PCDHA9: variants seen among roughly 807,000 people sequenced by gnomAD.
The protein encoded by PCDHA9 is protocadherin alpha-9.
In PCDHA9, 62 loss-of-function variants were observed where a neutral mutation model predicts 62.0. The ratio of observed to expected loss-of-function variants is 1.00; its 90% CI spans 0.81 to 1.23. The LOEUF is 1.23. Among genes scored for constraint, PCDHA9 ranks in the 50% most tolerant of loss-of-function variants. The pLI is 0.00. For missense variants in PCDHA9, 1,205 were observed against 1,249.8 expected (o/e 0.96, Z 0.54); for synonymous variants, 557 against 567.6 (o/e 0.98, Z 0.27).
At chr5:140,883,940 G>A in intron 1 of PCDHA9, 1 of 1,613,412 alleles carries the variant, frequency 6.2e-7, no homozygotes, top group Non-Finnish European at 8.5e-7. Flanking sequence ...CGTGCTGGAC[G>A]AGAACGACAA....
chr5:140,888,088 C>G (rs941828532), intron 1 of PCDHA9, among the ~76,000 whole-genome samples: 3 of 151,906 alleles, frequency 2.0e-5, no homozygotes, highest in African/African-American at 4.8e-5. Flanking sequence ...ACATTTTTGT[C>G]CTTAGTTTGC....
chr5:140,884,168 A>G (rs1562800814), intron 1 of PCDHA9: 1 of 1,613,300 alleles, frequency 6.2e-7, no homozygotes, highest in South Asian at 1.1e-5. Context: ...GATCAGCACG[A>G]CGCGCCCTCT....
At chr5:140,950,082 A>G (rs2094448240) in intron 1 of PCDHA9, among the ~76,000 whole-genome samples, 1 of 151,916 alleles carries the variant, frequency 6.6e-6, no homozygotes, top group South Asian at 2.1e-4. Flanking sequence ...TGCTTATGCT[A>G]TAGTTTTCAT....
intron 1 of PCDHA9, chr5:140,856,334 G>A: frequency 1.3e-6 from 2 of 1,598,614 alleles, no homozygotes; most frequent in Non-Finnish European, 1.7e-6. Context: ...GGAGCTGTGC[G>A]GGCGGAGCGT....
At chr5:140,875,608 G>C in intron 1 of PCDHA9, 1 of 1,613,844 alleles carries the variant, frequency 6.2e-7, no homozygotes, top group Non-Finnish European at 8.5e-7. Context: ...CACCTTCGTG[G>C]GCCGCATCGC....
rs546348432 is a variant in PCDHA9, at chr5:141,012,203, T to G, written c.*2266T>G. ...TTATAATGTATCTGTACAGCACTTTTTACATTTGCGAAGTGCTTTCCAATC... is the reference window on the plus strand; with the variant it reads ...TTATAATGTATCTGTACAGCACTTTGTACATTTGCGAAGTGCTTTCCAATC... On this transcript the variant is annotated 3_prime_UTR_variant, in exon 4 of 4. Transcript: ENST00000532602. 2.0e-5 allele frequency: 3 copies of G among 153,792 alleles called. No individual in the cohort carries two copies. The highest frequency in any genetic ancestry group is 4.4e-5 in the Non-Finnish European group (3 of 68,050). The allele number at this position is 153,792 out of a possible 1,614,324, so 9.5% of individuals were successfully genotyped here.
Position 140,849,460 on chromosome 5 carries a change from C to T in PCDHA9, c.965C>T (p.Ala322Val), listed in dbSNP as rs144662587. The T allele has an allele frequency of 6.9e-6, 11 of 1,588,102 alleles. 3 individuals are homozygous for T. Among genetic ancestry groups the T allele is most frequent in the Non-Finnish European group, 9.5e-6 (11 of 1,161,646 alleles). Residue 322 changes from alanine (A) to valine (V), a missense_variant, in exon 1 of 4, where the codon GCT (alanine) becomes GTT (valine). Physicochemically the swap from Ala to Val is moderately conservative, Grantham distance 64 (BLOSUM62 0). Around this residue, in one of 3 missense-constraint regions of PCDHA9, gnomAD observed 110 missense variants for 227.2 expected, o/e 0.48. Transcript: ENST00000532602. ...AGAGCACACAAGATCCCAGTCGAGG[C>T]TGTCGATAAAGGCTTCCCACCCCTG... ...ESRAHKIPVE[A>V]VDKGFPPLAG...
Position 140,856,078 on chromosome 5 carries a change from C to T in PCDHA9, c.2394+5189C>T, listed in dbSNP as rs145849392. On this transcript the variant is annotated intron_variant, in intron 1 of 3. Transcript: ENST00000532602. The stretch of plus-strand genomic sequence containing the variant: ...TTTCCAGATGTAGCTGCCTGGGGGT[C>T]CAGTGTCTGCTGCTCTCGCTTCTTC... 1.4e-3 allele frequency: 2,214 copies of T among 1,594,016 alleles called. 201 individuals are homozygous for T. The highest frequency in any genetic ancestry group is 4.0e-3 in the Admixed American group (234 of 58,882).
intron 1 of PCDHA9, chr5:140,856,336 G>A (rs782523397): frequency 1.9e-6 from 3 of 1,598,624 alleles, no homozygotes; most frequent in East Asian, 2.2e-5. Context: ...AGCTGTGCGG[G>A]CGGAGCGTGG....
At position 140,850,152 on chromosome 5, in the gene PCDHA9, G is replaced by T. The variant is rs2150469849; in HGVS notation, c.1657G>T (p.Val553Leu). 1.3e-6 allele frequency: 2 copies of T among 1,595,546 alleles called. No individual in the cohort carries two copies. The highest frequency in any genetic ancestry group is 2.0e-4 in the Middle Eastern group (1 of 5,030). The change falls in exon 1 of 4, where the codon GTG (valine) becomes TTG (leucine). Residue 553 changes from valine (V) to leucine (L), a missense_variant. Physicochemically the swap from Val to Leu is conservative, Grantham distance 32. Around this residue, in one of 3 missense-constraint regions of PCDHA9, gnomAD observed 887 missense variants for 809.5 expected, o/e 1.10. Transcript: ENST00000532602. ...PPLGSNVTLQ[V>L]FVLDENDNAP... Reference sequence around the variant, plus strand: ...TCTGGGCAGCAACGTGACGCTGCAGGTGTTCGTGCTGGACGAGAACGACAA... The same window carrying T: ...TCTGGGCAGCAACGTGACGCTGCAGTTGTTCGTGCTGGACGAGAACGACAA...
chr5:140,986,777 G>A (rs1203790689), intron 3 of PCDHA9, among the ~76,000 whole-genome samples: 5 of 152,234 alleles, frequency 3.3e-5, no homozygotes, highest in Admixed American at 6.5e-5. Flanking sequence ...ATTAGGTAGC[G>A]GAAGCCACTA....
intron 1 of PCDHA9, chr5:140,871,063 G>A (rs377081112): frequency 1.2e-6 from 2 of 1,613,272 alleles, no homozygotes; most frequent in Non-Finnish European, 1.7e-6. Flanking sequence ...GAAGGATCAC[G>A]GTGAGCCGGC....
chr5:140,965,259 A>G (rs1257686866), intron 1 of PCDHA9, among the ~76,000 whole-genome samples: 1 of 152,218 alleles, frequency 6.6e-6, no homozygotes, highest in African/African-American at 2.4e-5. Context: ...AGAACTGAGC[A>G]GCAGAGGCAA....
In PCDHA9 at chr5:140,857,896, T is replaced by A; in HGVS notation, c.2394+7007T>A. 4 of 1,597,704 alleles carry A rather than the reference T, an allele frequency of 2.5e-6. 1 individual carries two copies. The highest frequency in any genetic ancestry group is 3.4e-6 in the Non-Finnish European group (4 of 1,167,490). On this transcript the variant is annotated intron_variant, in intron 1 of 3. Coordinates refer to ENST00000532602, the MANE Select transcript of PCDHA9 (RefSeq NM_031857.2). ...ATGAATTGCAGTCGGCGGCGGTTGGTGCACGCATCCCGTTTCGCGTGGGGC... is the reference window on the plus strand; with the variant it reads ...ATGAATTGCAGTCGGCGGCGGTTGGAGCACGCATCCCGTTTCGCGTGGGGC...
chr5:140,982,779 G>A (rs1228586175), intron 3 of PCDHA9, among the ~76,000 whole-genome samples: 2 of 151,918 alleles, frequency 1.3e-5, no homozygotes, highest in African/African-American at 2.4e-5. Context: ...GAAAGTGTGT[G>A]TGCACGCATG....
chr5:141,006,343 C>T (rs1036137270), intron 3 of PCDHA9, among the ~76,000 whole-genome samples: 41 of 152,038 alleles, frequency 2.7e-4, no homozygotes, highest in African/African-American at 8.9e-4. Context: ...TCCTGAGTAG[C>T]TGGGACTATA....
At position 140,858,352 on chromosome 5, in the gene PCDHA9, G is replaced by T; in HGVS notation, c.2394+7463G>T. On this transcript the variant is annotated intron_variant, in intron 1 of 3. Coordinates refer to ENST00000532602, the MANE Select transcript of PCDHA9 (RefSeq NM_031857.2). ...AGGGCCTGCCCAAGGCGGACCTCATGGCCTTCAGCCCCAGCCTTCCACCAT... is the reference window on the plus strand; with the variant it reads ...AGGGCCTGCCCAAGGCGGACCTCATTGCCTTCAGCCCCAGCCTTCCACCAT... 1.3e-6 allele frequency: 2 copies of T among 1,593,948 alleles called. 1 individual carries two copies. Among genetic ancestry groups the T allele is most frequent in the Non-Finnish European group, 1.7e-6 (2 of 1,165,108 alleles).
Position 140,850,316 on chromosome 5 carries a change from T to A in PCDHA9, c.1821T>A (p.Leu607=), listed in dbSNP as rs2150479207. The change falls in exon 1 of 4, where the codon CTT becomes CTA. Residue 607 remains leucine, a synonymous_variant. Transcript: ENST00000532602. ...VDADSGYNAW[L]SYELQPETAS... ...CCGACTCGGGCTACAACGCGTGGCT[T>A]TCATACGAGCTGCAGCCAGAAACGG... 6.3e-7 allele frequency: 1 copy of A among 1,597,026 alleles called. No individual in the cohort carries two copies. Among genetic ancestry groups the A allele is most frequent in the African/African-American group, 1.3e-5 (1 of 74,228 alleles).
intron 1 of PCDHA9, chr5:140,871,488 C>T (rs370808040): frequency 3.4e-5 from 54 of 1,591,050 alleles, no homozygotes; most frequent in Non-Finnish European, 4.5e-5. Flanking sequence ...CAAATCACCC[C>T]GGACAGGTGA....
Sources: allele counts gnomAD v4.1 joint callset (sites outside exome capture counted in the v4.1 genomes callset), GRCh38; gene constraint gnomAD v4.1.1; regional missense constraint gnomAD v4.1.1; transcripts MANE v1.5; gene names NCBI Gene and HGNC (gene_info 2026-07-23, HGNC 2026-07-21).